The following SPRYD3 variants were observed in gnomAD, a reference collection of about 807,000 sequenced individuals.
The protein encoded by SPRYD3 is SPRY domain-containing protein 3.
SPRYD3 carries 17 observed loss-of-function variants against 50.1 expected under a neutral mutation model. The observed-to-expected ratio is 0.34, with a 90% confidence interval of 0.23 to 0.51. The LOEUF (loss-of-function observed/expected upper bound fraction) is 0.51. SPRYD3 is among the 20% of genes least tolerant of loss of function. The pLI is 0.97. For synonymous variants in SPRYD3, 198 were observed against 215.5 expected, an observed-to-expected ratio of 0.92 and a Z score of 0.71; for missense variants, 401 against 591.2, an observed-to-expected ratio of 0.68 and a Z score of 3.34.
intron 6 of SPRYD3, among the ~76,000 whole-genome samples, chr12:53,071,198 T>A (rs1177871614): frequency 1.3e-5 from 2 of 152,190 alleles, no homozygotes; most frequent in Non-Finnish European, 2.9e-5. Flanking sequence ...CAGCTCAGGC[T>A]CCAGCACAGC....
Position 53,066,304 on chromosome 12 carries a change from C to A in SPRYD3, c.1194+10G>T. On this transcript the variant is annotated intron_variant, in intron 10 of 10. Coordinates refer to ENST00000301463, the MANE Select transcript of SPRYD3 (RefSeq NM_032840.3). The stretch of plus-strand genomic sequence containing the variant: ...AAACCCTGGTCCCACCTCAAACTCT[C>A]CGTACTCACCACCACCTTCCTGCCC... 6.2e-7 allele frequency: 1 copy of A among 1,612,528 alleles called. No individual in the cohort carries two copies. Among genetic ancestry groups the A allele is most frequent in the South Asian group, 1.1e-5 (1 of 90,716 alleles).
Position 53,075,798 on chromosome 12 carries a change from A to G in SPRYD3, c.184T>C (p.Ser62Pro), listed in dbSNP as rs1382864173. ...DGDTLSYHGN[S>P]GEVGCYVASR... Reference sequence around the variant, plus strand: ...GCCACGTAGCAGCCAACTTCACCAGAGTTTCCATGATAACTGAAGGAGGAA... The same window carrying G: ...GCCACGTAGCAGCCAACTTCACCAGGGTTTCCATGATAACTGAAGGAGGAA... Residue 62 changes from serine to proline, a missense_variant, in exon 3 of 11, where the codon TCT becomes CCT. Ser to Pro is a moderately conservative substitution (Grantham distance 74, BLOSUM62 -1). Transcript: ENST00000301463. 1 of 1,613,908 alleles carries G rather than the reference A, an allele frequency of 6.2e-7. No homozygotes were observed. The highest frequency in any genetic ancestry group is 2.2e-5 in the East Asian group (1 of 44,882).
Position 53,077,326 on chromosome 12 carries a change from G to A in SPRYD3, c.24-65C>T, listed in dbSNP as rs796274923. The A allele has an allele frequency of 1.2e-5, 19 of 1,578,810 alleles. No homozygotes were observed. The African/African-American group carries it at 2.3e-4, about 19-fold the overall frequency. ...CTAGGTAAAGCACCTCAGCCTCTGT[G>A]ACCCAGAAGGTAGAGAAGGCACTGG... On this transcript the variant is annotated intron_variant, in intron 1 of 10. Coordinates refer to ENST00000301463, the MANE Select transcript of SPRYD3 (RefSeq NM_032840.3).
chr12:53,077,611 C>T (rs776255798), intron 1 of SPRYD3, among the ~76,000 whole-genome samples: 10 of 152,154 alleles, frequency 6.6e-5, no homozygotes, highest in Admixed American at 1.3e-4. Context: ...TGGACAGAGG[C>T]GGTCTCTCTG....
rs776074767 is a variant in SPRYD3, at chr12:53,075,767, C to T, written c.215G>A (p.Arg72Gln). The change falls in exon 3 of 11, where the codon CGA (arginine) becomes CAA (glutamine). Residue 72 changes from arginine (R) to glutamine (Q), a missense_variant. Coordinates refer to ENST00000301463, the MANE Select transcript of SPRYD3 (RefSeq NM_032840.3). ...ATAATTGCTGTCCTTGGTCAGGGGTCGAGAAGCCACGTAGCAGCCAACTTC... is the reference window on the plus strand; with the variant it reads ...ATAATTGCTGTCCTTGGTCAGGGGTTGAGAAGCCACGTAGCAGCCAACTTC... ...SGEVGCYVAS[R>Q]PLTKDSNYFE... The T allele has an allele frequency of 2.5e-6, 4 of 1,614,016 alleles. No homozygotes were observed. Among genetic ancestry groups the T allele is most frequent in the East Asian group, 2.2e-5 (1 of 44,882 alleles).
At chr12:53,073,705 G>T (rs1465369566) in intron 5 of SPRYD3, among the ~76,000 whole-genome samples, 1 of 151,964 alleles carries the variant, frequency 6.6e-6, no homozygotes, top group African/African-American at 2.4e-5. Context: ...TTAGCCGGGC[G>T]TGGTGGCGGG....
At chr12:53,067,769 G>A (rs1458172646) in intron 7 of SPRYD3, 64 bp from the exon 8 acceptor site, 48 of 1,466,294 alleles carry the variant, frequency 3.3e-5, no homozygotes, top group Non-Finnish European at 4.3e-5. Context: ...AGAGAGTGGC[G>A]AGTAGCATCT....
At chr12:53,068,393 C>T in intron 6 of SPRYD3, 89 bp from the exon 7 acceptor site, 2 of 1,476,452 alleles carry the variant, frequency 1.4e-6, no homozygotes, top group Non-Finnish European at 1.8e-6. Context: ...TCCCACTTTC[C>T]CAGGTCTGAC....
Position 53,065,828 on chromosome 12 carries a change from G to C in SPRYD3, c.*4C>G. ...GGAGAAGGAGCAGGTCTGGAGGGGA[G>C]GCCCTAGCCACTCAAGGGGTGCAGA... is the stretch of plus-strand genomic sequence containing the variant. On this transcript the variant is annotated 3_prime_UTR_variant, in exon 11 of 11. Coordinates refer to ENST00000301463, the MANE Select transcript of SPRYD3 (RefSeq NM_032840.3). The C allele has an allele frequency of 1.9e-6, 3 of 1,611,434 alleles. No individual in the cohort carries two copies. Among genetic ancestry groups the C allele is most frequent in the Non-Finnish European group, 2.5e-6 (3 of 1,178,866 alleles).
rs1944616327 is a variant in SPRYD3, at chr12:53,079,388, T to A, written c.-55A>T. The A allele has an allele frequency of 1.3e-6, 2 of 1,574,990 alleles. No individual in the cohort carries two copies. Among genetic ancestry groups the A allele is most frequent in the East Asian group, 4.8e-5 (2 of 42,082 alleles). ...TCTTCGGCCGCCGCCACCACACACA[T>A]CCGGGTCCCCGCCTTTCCTTCACTC... On this transcript the variant is annotated 5_prime_UTR_variant, in exon 1 of 11. An upstream start codon of the reference 5' UTR is lost. Transcript: ENST00000301463.
chr12:53,075,017 C>A, intron 4 of SPRYD3, 78 bp downstream of exon 4: 1 of 1,575,298 alleles, frequency 6.3e-7, no homozygotes, highest in South Asian at 1.1e-5. Flanking sequence ...ATGGGAAAAG[C>A]CAGCCCAAGG....
At chr12:53,071,370 C>T (rs1334114921) in intron 6 of SPRYD3, among the ~76,000 whole-genome samples, 2 of 152,184 alleles carry the variant, frequency 1.3e-5, no homozygotes, top group African/African-American at 2.4e-5. Flanking sequence ...TGTTACCTAC[C>T]GCCCCCAGCT....
rs774257168 is a variant in SPRYD3, at chr12:53,079,358, C to G, written c.-25G>C. 12 of 1,602,920 alleles carry G rather than the reference C, an allele frequency of 7.5e-6. No homozygotes were observed. The highest frequency in any genetic ancestry group is 1.7e-5 in the Admixed American group (1 of 59,084). On this transcript the variant is annotated 5_prime_UTR_variant, in exon 1 of 11. Coordinates refer to ENST00000301463, the MANE Select transcript of SPRYD3 (RefSeq NM_032840.3). ...TCCATAGGCCTCTCAGCTCCGCACA[C>G]AAGCTCTTCGGCCGCCGCCACCACA...
chr12:53,074,944 A>C lies in SPRYD3; in HGVS notation c.371+151T>G, dbSNP rs1944577988. The C allele has an allele frequency of 7.4e-7, 1 of 1,353,570 alleles. No individual in the cohort carries two copies. Among genetic ancestry groups the C allele is most frequent in the Non-Finnish European group, 1.0e-6 (1 of 965,878 alleles). 83.8% of individuals were successfully genotyped at this position (1,353,570 alleles called of 1,614,324 possible). A position where few individuals can be genotyped will look rare whatever the true frequency, so the allele number is the denominator to read the frequency against. ...GAGCATCACCCTCCTCTAGTCTGTA[A>C]GCCTTCAAGGGTGCTGCCAGGCCAC... On this transcript the variant is annotated intron_variant, in intron 4 of 10. Coordinates refer to ENST00000301463, the MANE Select transcript of SPRYD3 (RefSeq NM_032840.3). This position sits in a 1 kb window ranked among gnomAD's most constrained non-coding sequence, Gnocchi z 4.6.
chr12:53,077,315 T>C, intron 1 of SPRYD3, 54 bp from the exon 2 acceptor site: 1 of 1,598,958 alleles, frequency 6.3e-7, no homozygotes, highest in East Asian at 2.3e-5. Flanking sequence ...GTAAAGCACC[T>C]CAGCCTCTGT....
At chr12:53,075,488 T>C (rs553917206) in intron 3 of SPRYD3, among the ~76,000 whole-genome samples, 22 of 152,096 alleles carry the variant, frequency 1.4e-4, no homozygotes, top group Non-Finnish European at 1.8e-4. Flanking sequence ...GAGTCAAGTC[T>C]GGGATATGGG....
chr12:53,075,224 A>G lies in SPRYD3; in HGVS notation c.247-5T>C, dbSNP rs1565618671. ...TCCACTGTCCACAATAGACACCTGG[A>G]GAGAAGAAAGCAGGGCACAGTCAGC... On this transcript the variant is annotated splice_polypyrimidine_tract_variant and splice_region_variant and intron_variant, in intron 3 of 10. Coordinates refer to ENST00000301463, the MANE Select transcript of SPRYD3 (RefSeq NM_032840.3). The G allele has an allele frequency of 6.3e-7, 1 of 1,597,614 alleles. No individual in the cohort carries two copies. The highest frequency in any genetic ancestry group is 8.6e-7 in the Non-Finnish European group (1 of 1,166,148).
intron 9 of SPRYD3, 38 bp from the exon 10 acceptor site, chr12:53,066,524 T>C (rs1275592847): frequency 6.2e-7 from 1 of 1,614,040 alleles, no homozygotes; most frequent in East Asian, 2.2e-5. Flanking sequence ...GTGGTGCCTT[T>C]CCACCCTCGG....
intron 2 of SPRYD3, among the ~76,000 whole-genome samples, chr12:53,076,354 C>G (rs542704659): frequency 6.6e-6 from 1 of 152,202 alleles, no homozygotes; most frequent in South Asian, 2.1e-4. Flanking sequence ...GGGGTTCAAG[C>G]CAGAAAAGAG....
Sources: allele counts gnomAD v4.1 joint callset (sites outside exome capture counted in the v4.1 genomes callset), GRCh38; gene constraint gnomAD v4.1.1; non-coding constraint Gnocchi (gnomAD v3.1); transcripts MANE v1.5; gene names NCBI Gene and HGNC (gene_info 2026-07-23, HGNC 2026-07-21).